NRXN3: variants seen among roughly 807,000 people sequenced by gnomAD.
NRXN3 encodes the protein neurexin III.
In NRXN3, 32 loss-of-function variants were observed where a neutral mutation model predicts 137.6. The observed-to-expected ratio is 0.23, with a 90% CI of 0.18 to 0.31. The LOEUF is 0.31. NRXN3 is among the 10% of genes least tolerant of loss of function. The pLI is 1.00. For synonymous variants in NRXN3, 798 were observed against 784.5 expected (o/e 1.02, Z -0.29); for missense variants, 1,574 against 2,062.5 (o/e 0.76, Z 4.59).
At position 79,250,343 on chromosome 14, in the gene NRXN3, G is replaced by A. The variant is rs187643440; in HGVS notation, c.3263-216878G>A. Among the ~76,000 whole-genome samples the A allele has an allele frequency of 2.6e-5, 4 of 152,202 alleles. No homozygotes were observed. The East Asian group carries it at 7.7e-4, about 29-fold the overall frequency. On this transcript the variant is annotated intron_variant, in intron 15 of 20. Coordinates refer to ENST00000335750, the MANE Select transcript of NRXN3 (RefSeq NM_001330195.2). ...TGCTTACACTGAAAGAAAAGATAGA[G>A]AAAATGTGAACAATGTGACAAGGAT...
chr14:79,179,440 G>A (rs1012301705), intron 15 of NRXN3, among the ~76,000 whole-genome samples: 2 of 152,152 alleles, frequency 1.3e-5, no homozygotes, highest in Admixed American at 1.3e-4. Context: ...TATCTGCTGG[G>A]TGAGTGTTAG....
chr14:79,574,222 C>CCACACA lies in NRXN3; in HGVS notation c.3445-89541_3445-89536dup, dbSNP rs139060549. Among the ~76,000 whole-genome samples the CCACACA allele has an allele frequency of 6.5e-3, 957 of 147,724 alleles. 10 individuals are homozygous for CCACACA. Among genetic ancestry groups the CCACACA allele is most frequent in the Middle Eastern group, 0.042 (12 of 288 alleles). On this transcript the variant is annotated intron_variant, in intron 16 of 20. Coordinates refer to ENST00000335750, the MANE Select transcript of NRXN3 (RefSeq NM_001330195.2). ...TTCCTCCAAATATGCGTGCATGCAC[C>CCACACA]CACACACACACACACACACATACAT...
chr14:79,812,532 G>C (rs959064902), intron 20 of NRXN3, among the ~76,000 whole-genome samples: 1 of 151,974 alleles, frequency 6.6e-6, no homozygotes, highest in Admixed American at 6.6e-5. Context: ...AATCACACAA[G>C]ATGATGCCAA....
intron 15 of NRXN3, among the ~76,000 whole-genome samples, chr14:79,361,356 T>G (rs2093673994): frequency 6.6e-6 from 1 of 152,222 alleles, no homozygotes; most frequent in Non-Finnish European, 1.5e-5. Flanking sequence ...TGAGTCCAGC[T>G]GAATACATTG....
At chr14:79,579,197 TAA>T (rs2097692383) in intron 16 of NRXN3, among the ~76,000 whole-genome samples, 1 of 151,678 alleles carries the variant, frequency 6.6e-6, no homozygotes, top group African/African-American at 2.4e-5. Flanking sequence ...TGAAAAATTC[TAA>T]GTTAGAAATT....
At chr14:78,399,633 C>G (rs2091859411) in intron 4 of NRXN3, among the ~76,000 whole-genome samples, 1 of 152,214 alleles carries the variant, frequency 6.6e-6, no homozygotes, top group African/African-American at 2.4e-5. Flanking sequence ...CCCTTCCATA[C>G]TCAATGTCTA....
intron 4 of NRXN3, among the ~76,000 whole-genome samples, chr14:78,337,455 G>A (rs139010512): frequency 8.5e-5 from 13 of 152,258 alleles, no homozygotes; most frequent in South Asian, 8.3e-4. Flanking sequence ...TAATGGGAAC[G>A]GCAGGGACAG....
At chr14:78,619,781 C>T (rs555153805) in intron 4 of NRXN3, among the ~76,000 whole-genome samples, 1 of 152,096 alleles carries the variant, frequency 6.6e-6, no homozygotes, top group East Asian at 1.9e-4. Context: ...TCAATTAAAC[C>T]TCTTTCCTTT....
intron 4 of NRXN3, among the ~76,000 whole-genome samples, chr14:78,441,212 C>T (rs771171438): frequency 6.6e-6 from 1 of 152,174 alleles, no homozygotes; most frequent in Non-Finnish European, 1.5e-5. Context: ...CTGCTTCCCC[C>T]TGTGACATGG....
At chr14:78,435,980 C>T (rs2094051149) in intron 4 of NRXN3, among the ~76,000 whole-genome samples, 1 of 152,144 alleles carries the variant, frequency 6.6e-6, no homozygotes, top group Non-Finnish European at 1.5e-5. Context: ...GGAGCAGGAA[C>T]CCAGAGCAAT....
At chr14:78,976,157 T>G (rs1301205852) in intron 14 of NRXN3, among the ~76,000 whole-genome samples, 3 of 152,218 alleles carry the variant, frequency 2.0e-5, no homozygotes, top group Non-Finnish European at 2.9e-5. Flanking sequence ...ATATTAAGAT[T>G]GACCTGTTTG....
intron 14 of NRXN3, among the ~76,000 whole-genome samples, chr14:78,984,954 T>A (rs568515818): frequency 6.6e-6 from 1 of 152,338 alleles, no homozygotes; most frequent in East Asian, 1.9e-4. Context: ...ATTAAGTCCT[T>A]AGTGACAATA....
chr14:78,524,807 A>G (rs529366215), intron 4 of NRXN3, among the ~76,000 whole-genome samples: 73 of 152,226 alleles, frequency 4.8e-4, no homozygotes, highest in African/African-American at 1.6e-3. Flanking sequence ...CCTAGGCAAA[A>G]TGTTTTAAAA....
At position 78,202,872 on chromosome 14, in the gene NRXN3, G is replaced by A. The variant is rs756942083; in HGVS notation, c.-704+32198G>A. 2.0e-4 allele frequency among the ~76,000 whole-genome samples: 30 copies of A among 152,310 alleles called. No individual in the cohort carries two copies. The Middle Eastern group carries it at 0.01, about 52-fold the overall frequency. On this transcript the variant is annotated intron_variant, in intron 1 of 20. Coordinates refer to ENST00000335750, the MANE Select transcript of NRXN3 (RefSeq NM_001330195.2). Reference sequence around the variant, plus strand: ...TAACCCAATGCCATAGGTAGAATTAGCATTTTCTGTATTACATATGAGGAC... The same window carrying A: ...TAACCCAATGCCATAGGTAGAATTAACATTTTCTGTATTACATATGAGGAC...
At chr14:79,740,722 A>T (rs1397855089) in intron 19 of NRXN3, among the ~76,000 whole-genome samples, 6 of 19,352 alleles carry the variant, frequency 3.1e-4, no homozygotes, top group African/African-American at 1.6e-3. Context: ...TTATATATAT[A>T]TATATATATA....
At chr14:79,368,188 G>A (rs1447206581) in intron 15 of NRXN3, among the ~76,000 whole-genome samples, 1 of 152,142 alleles carries the variant, frequency 6.6e-6, no homozygotes, top group Non-Finnish European at 1.5e-5. Context: ...CCCAGTTTAG[G>A]AATTGAAGTG....
At chr14:79,468,264 A>G (rs2096456133) in intron 16 of NRXN3, among the ~76,000 whole-genome samples, 2 of 152,252 alleles carry the variant, frequency 1.3e-5, no homozygotes. Context: ...AAATATTTTT[A>G]CAGCAACAAT....
At chr14:78,895,214 G>A (rs576522782) in intron 10 of NRXN3, among the ~76,000 whole-genome samples, 2 of 151,950 alleles carry the variant, frequency 1.3e-5, no homozygotes, top group Admixed American at 6.6e-5. Flanking sequence ...TTCATCTACA[G>A]TAAAAATCTC....
At chr14:78,177,441 T>C (rs741488) in intron 1 of NRXN3, among the ~76,000 whole-genome samples, 39,026 of 152,004 alleles carry the variant, frequency 0.26, 5,269 homozygotes, top group East Asian at 0.32. Context: ...AAGGAAGTCT[T>C]ACCTTTAGCC....
Sources: allele counts gnomAD v4.1 joint callset (sites outside exome capture counted in the v4.1 genomes callset), GRCh38; gene constraint gnomAD v4.1.1; transcripts MANE v1.5; gene names NCBI Gene and HGNC (gene_info 2026-07-23, HGNC 2026-07-21).